Variants in NCAM2 observed in about 807,000 individuals in gnomAD.
The protein encoded by NCAM2 is N-CAM-2.
Under a neutral mutation model 98.1 loss-of-function variants are expected in NCAM2, and 30 were observed. That is an observed-to-expected ratio of 0.31 (90% CI 0.23 to 0.41). The LOEUF is 0.41. Among genes scored for constraint, NCAM2 ranks in the 10% least tolerant of loss-of-function variants. The pLI, the probability that NCAM2 is intolerant of heterozygous loss-of-function variation, is 1.00. For synonymous variants in NCAM2, 368 were observed against 342.4 expected (o/e 1.07, Z -0.83); for missense variants, 867 against 1,005.8 (o/e 0.86, Z 1.87).
At chr21:21,212,179 G>C (rs78278367) in intron 1 of NCAM2, among the ~76,000 whole-genome samples, 2,661 of 152,160 alleles carry the variant, frequency 0.017, 78 homozygotes, top group African/African-American at 0.061. Context: ...GAGGTGAATG[G>C]TTAAATAAAT....
intron 9 of NCAM2, among the ~76,000 whole-genome samples, chr21:21,391,409 A>C (rs760362045): frequency 1.3e-5 from 2 of 152,194 alleles, no homozygotes; most frequent in Admixed American, 6.5e-5. Flanking sequence ...GATAGTATAC[A>C]AATGAGCAAT....
chr21:21,478,622 A>G (rs565525601), intron 15 of NCAM2, among the ~76,000 whole-genome samples: 53 of 152,236 alleles, frequency 3.5e-4, no homozygotes, highest in African/African-American at 1.3e-3. Flanking sequence ...AGAGCTTTAT[A>G]TTGCTAATGT....
intron 3 of NCAM2, 116 bp downstream of exon 3, chr21:21,284,516 C>A (rs2147517976): frequency 1.3e-6 from 1 of 764,670 alleles, no homozygotes; most frequent in East Asian, 2.7e-5. Flanking sequence ...AAATAAATAT[C>A]AGTTTATTTA....
Position 21,162,733 on chromosome 21 carries a change from T to C in NCAM2, c.56-117845T>C, listed in dbSNP as rs188086945. The stretch of plus-strand genomic sequence containing the variant: ...GAAGTTCTTGGTGATGATTGGCATG[T>C]ATCATGGTTCAGACAAAGACCTGTA... On this transcript the variant is annotated intron_variant, in intron 1 of 17. Transcript: ENST00000400546. Among the ~76,000 whole-genome samples, 268 of 152,268 alleles carry C rather than the reference T, an allele frequency of 1.8e-3. 2 individuals carry two copies. Among genetic ancestry groups the C allele is most frequent in the Non-Finnish European group, 3.1e-3 (213 of 67,988 alleles).
At position 21,493,409 on chromosome 21, in the gene NCAM2, T is replaced by C. The variant is rs1017498989; in HGVS notation, c.2078-15442T>C. Among the ~76,000 whole-genome samples the C allele has an allele frequency of 3.9e-5, 6 of 152,036 alleles. No homozygotes were observed. In the East Asian group the frequency reaches 9.7e-4, roughly 24 times the overall value. On this transcript the variant is annotated intron_variant, in intron 15 of 17. Coordinates refer to ENST00000400546, the MANE Select transcript of NCAM2 (RefSeq NM_004540.5). Reference sequence around the variant, plus strand: ...TAGACTTTAGTTTTTCAAATACTTTTAGATTTACACCAAGATTGAATGGAA... The same window carrying C: ...TAGACTTTAGTTTTTCAAATACTTTCAGATTTACACCAAGATTGAATGGAA...
At chr21:21,047,535 G>A (rs1266113698) in intron 1 of NCAM2, among the ~76,000 whole-genome samples, 3 of 152,148 alleles carry the variant, frequency 2.0e-5, no homozygotes, top group Non-Finnish European at 2.9e-5. Context: ...AAGGAAAGAT[G>A]TTCTAGTAAT....
chr21:21,299,383 A>G (rs985930477), intron 5 of NCAM2, among the ~76,000 whole-genome samples: 7 of 151,714 alleles, frequency 4.6e-5, no homozygotes, highest in African/African-American at 1.7e-4. Context: ...TGATGGTGAA[A>G]GTAATAAAGC....
intron 1 of NCAM2, among the ~76,000 whole-genome samples, chr21:21,038,496 T>C (rs2064841797): frequency 6.6e-6 from 1 of 152,078 alleles, no homozygotes; most frequent in Admixed American, 6.6e-5. Context: ...GCAGTTACCC[T>C]CATGCTGTTG....
chr21:21,327,753 A>G (rs971390066), intron 6 of NCAM2, among the ~76,000 whole-genome samples: 2 of 152,228 alleles, frequency 1.3e-5, no homozygotes, highest in African/African-American at 2.4e-5. Flanking sequence ...ATTTTCAAAT[A>G]CAGTCATTCT....
intron 1 of NCAM2, among the ~76,000 whole-genome samples, chr21:21,023,692 C>T (rs913731989): frequency 6.6e-6 from 1 of 151,902 alleles, no homozygotes; most frequent in African/African-American, 2.4e-5. Context: ...CAGCCTGGAG[C>T]TTAGTGGATT....
At chr21:21,207,710 A>C (rs983121285) in intron 1 of NCAM2, among the ~76,000 whole-genome samples, 1 of 152,192 alleles carries the variant, frequency 6.6e-6, no homozygotes, top group Non-Finnish European at 1.5e-5. Context: ...GGACTGGCCA[A>C]TCAACAGGAG....
chr21:21,097,326 C>A (rs982541028), intron 1 of NCAM2, among the ~76,000 whole-genome samples: 1 of 151,530 alleles, frequency 6.6e-6, no homozygotes. Flanking sequence ...AGTCAATATA[C>A]CATAGTAACT....
At position 21,541,856 on chromosome 21, in the gene NCAM2, A is replaced by G. The variant is rs935533286; in HGVS notation, c.*3899A>G. ...TGCTCATACTCATAATCATTATCAC[A>G]TAATGTGCTTATTCAACAAACTTTG... On this transcript the variant is annotated 3_prime_UTR_variant, in exon 18 of 18. Coordinates refer to ENST00000400546, the MANE Select transcript of NCAM2 (RefSeq NM_004540.5). 2 of 151,830 alleles carry G rather than the reference A, an allele frequency of 1.3e-5. No individual in the cohort carries two copies. The highest frequency in any genetic ancestry group is 6.6e-5 in the Admixed American group (1 of 15,202). 9.4% of individuals were successfully genotyped at this position (151,830 alleles called of 1,614,324 possible). A position where few individuals can be genotyped will look rare whatever the true frequency, so the allele number is the denominator to read the frequency against.
At chr21:21,089,660 T>C (rs1483724679) in intron 1 of NCAM2, among the ~76,000 whole-genome samples, 1 of 152,166 alleles carries the variant, frequency 6.6e-6, no homozygotes, top group African/African-American at 2.4e-5. Context: ...TCTATGTTTA[T>C]ATGGTTCAGT....
chr21:21,390,059 A>G (rs1472023177), intron 9 of NCAM2, among the ~76,000 whole-genome samples: 1 of 152,158 alleles, frequency 6.6e-6, no homozygotes, highest in African/African-American at 2.4e-5. Flanking sequence ...CATGTTGACC[A>G]GGATGGTCTC....
chr21:21,048,607 C>T (rs1442610244), intron 1 of NCAM2, among the ~76,000 whole-genome samples: 1 of 152,142 alleles, frequency 6.6e-6, no homozygotes, highest in Non-Finnish European at 1.5e-5. Flanking sequence ...CCCGCCTCGG[C>T]CTCCCAAAGT....
At chr21:21,351,850 G>A (rs62207727) in intron 8 of NCAM2, among the ~76,000 whole-genome samples, 10,073 of 152,128 alleles carry the variant, frequency 0.066, 595 homozygotes, top group East Asian at 0.29. Context: ...AGGTTCCAGT[G>A]ATTCTCCCGC....
chr21:21,121,998 T>C (rs917741987), intron 1 of NCAM2, among the ~76,000 whole-genome samples: 2 of 152,228 alleles, frequency 1.3e-5, no homozygotes, highest in African/African-American at 4.8e-5. Context: ...CAGTATGAGC[T>C]TCCGAATGAG....
intron 11 of NCAM2, among the ~76,000 whole-genome samples, chr21:21,429,104 A>C (rs1292446501): frequency 6.6e-6 from 1 of 152,184 alleles, no homozygotes. Context: ...GCTTTAAAAG[A>C]AGTAATAGAA....
Sources: allele counts gnomAD v4.1 joint callset (sites outside exome capture counted in the v4.1 genomes callset), GRCh38; gene constraint gnomAD v4.1.1; transcripts MANE v1.5; gene names NCBI Gene and HGNC (gene_info 2026-07-23, HGNC 2026-07-21).